The following NXPH1 variants were observed in gnomAD, a reference collection of about 807,000 sequenced individuals.
NXPH1 encodes the protein neurexophilin 1.
A neutral mutation model predicts 23.7 loss-of-function variants in NXPH1; 5 were observed. The ratio of observed to expected loss-of-function variants is 0.21; its 90% CI spans 0.11 to 0.44. The LOEUF (loss-of-function observed/expected upper bound fraction) is 0.44, where lower values mean the gene tolerates loss of function less well. Among genes scored for constraint, NXPH1 ranks in the 20% least tolerant of loss-of-function variants. NXPH1 has a pLI of 0.99. For synonymous variants in NXPH1, 144 were observed against 122.2 expected (o/e 1.18, Z -1.18); for missense variants, 324 against 321.6 (o/e 1.01, Z -0.06).
chr7:8,563,535 G>A (rs73235716), intron 2 of NXPH1, among the ~76,000 whole-genome samples: 3,076 of 151,820 alleles, frequency 0.02, 97 homozygotes, highest in African/African-American at 0.069. Flanking sequence ...ATGCAGAAGG[G>A]ATTGAAACAA....
intron 2 of NXPH1, among the ~76,000 whole-genome samples, chr7:8,674,877 G>A (rs552174995): frequency 2.7e-4 from 41 of 152,206 alleles, no homozygotes; most frequent in African/African-American, 9.4e-4. Context: ...AGGAACAATC[G>A]ACCTAGAAAC....
chr7:8,542,534 T>C (rs1279833126), intron 2 of NXPH1, among the ~76,000 whole-genome samples: 1 of 151,654 alleles, frequency 6.6e-6, no homozygotes, highest in African/African-American at 2.4e-5. Flanking sequence ...TGTTTTCAAA[T>C]CTACATAGTG....
intron 2 of NXPH1, among the ~76,000 whole-genome samples, chr7:8,551,093 C>G (rs10259145): frequency 6.6e-6 from 1 of 151,286 alleles, no homozygotes; most frequent in Non-Finnish European, 1.5e-5. Flanking sequence ...TTTAAAAATT[C>G]TATCAGCTGT....
intron 2 of NXPH1, among the ~76,000 whole-genome samples, chr7:8,440,067 T>A (rs1228847624): frequency 6.6e-6 from 1 of 152,236 alleles, no homozygotes; most frequent in Non-Finnish European, 1.5e-5. Context: ...ATTTCCTGAC[T>A]CTTCTACTAC....
chr7:8,486,685 A>G (rs922070439), intron 2 of NXPH1, among the ~76,000 whole-genome samples: 2 of 152,128 alleles, frequency 1.3e-5, no homozygotes, highest in Admixed American at 6.6e-5. Flanking sequence ...GTGCTAGTCT[A>G]CACTTATTTC....
chr7:8,693,076 A>G (rs1369177405), intron 2 of NXPH1, among the ~76,000 whole-genome samples: 1 of 152,176 alleles, frequency 6.6e-6, no homozygotes, highest in Non-Finnish European at 1.5e-5. Context: ...GGAAAAATTT[A>G]GAGTGGAAAT....
At chr7:8,701,509 G>A (rs746157467) in intron 2 of NXPH1, among the ~76,000 whole-genome samples, 13 of 152,096 alleles carry the variant, frequency 8.5e-5, no homozygotes, top group African/African-American at 1.2e-4. Context: ...CTCTGCCTTC[G>A]TAATGCGGCT....
intron 2 of NXPH1, among the ~76,000 whole-genome samples, chr7:8,461,447 GATGGTATT>G (rs1816692502): frequency 6.6e-6 from 1 of 152,200 alleles, no homozygotes; most frequent in Non-Finnish European, 1.5e-5. Flanking sequence ...AGACTCTGAA[GATGGTATT>G]ATTAATGTGA....
intron 2 of NXPH1, among the ~76,000 whole-genome samples, chr7:8,692,187 C>G (rs535697209): frequency 6.6e-6 from 1 of 151,752 alleles, no homozygotes; most frequent in Non-Finnish European, 1.5e-5. Context: ...AGATTTTATT[C>G]TTTGTTCTCT....
At chr7:8,441,084 G>A (rs1020081532) in intron 2 of NXPH1, among the ~76,000 whole-genome samples, 1 of 152,114 alleles carries the variant, frequency 6.6e-6, no homozygotes, top group Non-Finnish European at 1.5e-5. Flanking sequence ...ATTCAGGAAA[G>A]CTCCTCTTGG....
At chr7:8,445,110 A>T (rs773621302) in intron 2 of NXPH1, among the ~76,000 whole-genome samples, 1 of 152,202 alleles carries the variant, frequency 6.6e-6, no homozygotes, top group Non-Finnish European at 1.5e-5. Flanking sequence ...GAGCTCTTTT[A>T]TTTATATTTA....
At chr7:8,588,503 T>G (rs995504993) in intron 2 of NXPH1, among the ~76,000 whole-genome samples, 4 of 152,138 alleles carry the variant, frequency 2.6e-5, no homozygotes, top group Non-Finnish European at 5.9e-5. Context: ...CACATTGGCC[T>G]TCTCTTGCAC....
intron 2 of NXPH1, among the ~76,000 whole-genome samples, chr7:8,732,425 G>A (rs930472069): frequency 6.6e-6 from 1 of 152,130 alleles, no homozygotes; most frequent in Non-Finnish European, 1.5e-5. Context: ...CTAAAAATTT[G>A]TCTATTACCA....
chr7:8,465,325 A>G (rs1257240739), intron 2 of NXPH1, among the ~76,000 whole-genome samples: 2 of 152,166 alleles, frequency 1.3e-5, no homozygotes, highest in Non-Finnish European at 2.9e-5. Flanking sequence ...AATTTAGAAT[A>G]GTGGAATTTT....
In NXPH1 at chr7:8,524,015, C is replaced by T. The variant is rs150463059; in HGVS notation, c.54+88248C>T. Among the ~76,000 whole-genome samples, 1,083 of 152,036 alleles carry T rather than the reference C, an allele frequency of 7.1e-3. 6 individuals are homozygous for T. Among genetic ancestry groups the T allele is most frequent in the Non-Finnish European group, 0.01 (705 of 67,950 alleles). On this transcript the variant is annotated intron_variant, in intron 2 of 2. Coordinates refer to ENST00000405863, the MANE Select transcript of NXPH1 (RefSeq NM_152745.3). ...ATCCCAGCACTTTGGGAGGCTGAGG[C>T]GGGTGGATTACGAGGTCAGCAATTC... is the stretch of plus-strand genomic sequence containing the variant.
chr7:8,686,331 C>T (rs1249862122), intron 2 of NXPH1, among the ~76,000 whole-genome samples: 1 of 152,014 alleles, frequency 6.6e-6, no homozygotes, highest in Admixed American at 6.6e-5. Flanking sequence ...TCAAAAAGAA[C>T]CATTATCATT....
intron 2 of NXPH1, among the ~76,000 whole-genome samples, chr7:8,681,696 A>G (rs1276394831): frequency 6.6e-6 from 1 of 152,208 alleles, no homozygotes; most frequent in African/African-American, 2.4e-5. Flanking sequence ...ATGAAATCTT[A>G]ATTATTATAC....
At chr7:8,485,316 G>A (rs1354233026) in intron 2 of NXPH1, among the ~76,000 whole-genome samples, 1 of 152,140 alleles carries the variant, frequency 6.6e-6, no homozygotes, top group African/African-American at 2.4e-5. Flanking sequence ...ATGTGGAACT[G>A]TGAGTCCATT....
intron 2 of NXPH1, among the ~76,000 whole-genome samples, chr7:8,443,768 G>A (rs1816348192): frequency 6.6e-6 from 1 of 152,212 alleles, no homozygotes; most frequent in African/African-American, 2.4e-5. Context: ...CCAGCGTGGG[G>A]CCTGATGCAG....
Sources: gnomAD v4.1 joint callset for allele counts (sites outside exome capture counted in the v4.1 genomes callset) on GRCh38, gnomAD v4.1.1 for gene constraint, MANE v1.5 for transcripts, NCBI Gene and HGNC (gene_info 2026-07-23, HGNC 2026-07-21) for gene names.